ZNF33B: variants seen among roughly 807,000 people sequenced by gnomAD.
ZNF33B encodes the protein zinc finger protein 11b (KOX 2).
ZNF33B carries 29 observed loss-of-function variants against 45.8 expected under a neutral mutation model. That is an observed-to-expected ratio of 0.63 (90% CI 0.47 to 0.86). ZNF33B has a LOEUF of 0.86. Among genes scored for constraint, ZNF33B ranks in the 40% least tolerant of loss-of-function variants. The pLI is 0.00. For synonymous variants in ZNF33B, 305 were observed against 307.8 expected, an observed-to-expected ratio of 0.99 and a Z score of 0.10; for missense variants, 831 against 909.9, an observed-to-expected ratio of 0.91 and a Z score of 1.12.
At chr10:42,595,285 G>C (rs1245599462) in intron 4 of ZNF33B, among the ~76,000 whole-genome samples, 1 of 152,180 alleles carries the variant, frequency 6.6e-6, no homozygotes, top group Non-Finnish European at 1.5e-5. Context: ...CTATGAGTGA[G>C]AAAATGCTCA....
At chr10:42,624,986 A>G (rs1838738133) in intron 4 of ZNF33B, among the ~76,000 whole-genome samples, 1 of 151,864 alleles carries the variant, frequency 6.6e-6, no homozygotes. Context: ...TCCTCCTACT[A>G]TTCTTTTTCT....
chr10:42,585,480 G>A (rs772427715), downstream of ZNF33B, among the ~76,000 whole-genome samples: 31 of 152,126 alleles, frequency 2.0e-4, no homozygotes, highest in African/African-American at 6.3e-4. Flanking sequence ...TCTTGATGTC[G>A]GTTCACCACA....
chr10:42,611,024 T>C (rs1165280498), intron 4 of ZNF33B, among the ~76,000 whole-genome samples: 3 of 152,184 alleles, frequency 2.0e-5, no homozygotes. Context: ...TTTTCAACAA[T>C]GATGCCAAGA....
chr10:42,599,154 A>G (rs1837519048), intron 4 of ZNF33B, among the ~76,000 whole-genome samples: 1 of 152,146 alleles, frequency 6.6e-6, no homozygotes. Context: ...CATAATATCT[A>G]TAGAATCTTC....
At position 42,622,404 on chromosome 10, in the gene ZNF33B, CA is replaced by C. The variant is rs200334645; in HGVS notation, c.250+9524del. Among the ~76,000 whole-genome samples, 44 of 152,264 alleles carry C rather than the reference CA, an allele frequency of 2.9e-4. 1 individual carries two copies. In the East Asian group the frequency reaches 8.3e-3, roughly 29 times the overall value. ...CAATTTTTAAAAAGAAGAACAAAGT[CA>C]GAGGACTCAAAACGTCCAATTTCAC... On this transcript the variant is annotated intron_variant, in intron 4 of 4. Transcript: ENST00000359467.
At chr10:42,583,283 G>T (rs1255121340) in intron 1 of ZNF33B, 7 of 498,362 alleles carry the variant, frequency 1.4e-5, no homozygotes, top group Non-Finnish European at 2.3e-5. Flanking sequence ...ACAGACAGGT[G>T]TCCTCCTTCA....
intron 4 of ZNF33B, among the ~76,000 whole-genome samples, chr10:42,618,125 C>A (rs1447872426): frequency 6.6e-6 from 1 of 152,150 alleles, no homozygotes; most frequent in Non-Finnish European, 1.5e-5. Context: ...ATATCATTAC[C>A]AGTTTTGATA....
chr10:42,596,344 C>T (rs893106963), intron 4 of ZNF33B, among the ~76,000 whole-genome samples: 1 of 151,982 alleles, frequency 6.6e-6, no homozygotes, highest in Non-Finnish European at 1.5e-5. Flanking sequence ...AAGACCAAGT[C>T]TCAGCAAACT....
At chr10:42,613,042 C>CA (rs1186735135) in intron 4 of ZNF33B, among the ~76,000 whole-genome samples, 2 of 151,972 alleles carry the variant, frequency 1.3e-5, no homozygotes, top group Non-Finnish European at 2.9e-5. Flanking sequence ...ATTACAAATG[C>CA]AAAAAATAGT....
Position 42,593,619 on chromosome 10 carries a change from T to A in ZNF33B, c.1331A>T (p.Tyr444Phe), listed in dbSNP as rs1837251676. The change falls in exon 5 of 5, where the codon TAT becomes TTT. Residue 444 changes from tyrosine to phenylalanine, a missense_variant. Coordinates refer to ENST00000359467, the MANE Select transcript of ZNF33B (RefSeq NM_006955.3). ...THTGQKPYEC[Y>F]ECGKSFCMNS... is the part of the protein sequence containing the mutation. ...CATACAGAAGGATTTTCCACATTCA[T>A]AACATTCATAGGGTTTCTGCCCTGT... 1.2e-6 allele frequency: 2 copies of A among 1,613,934 alleles called. No homozygotes were observed.
At chr10:42,608,880 GGAAAAA>G (rs1367417705) in intron 4 of ZNF33B, among the ~76,000 whole-genome samples, 2 of 112,108 alleles carry the variant, frequency 1.8e-5, no homozygotes, top group African/African-American at 8.5e-5. Context: ...GACTGACAAT[GGAAAAA>G]AAAAAAAAGA....
At chr10:42,609,570 G>C (rs577015594) in intron 4 of ZNF33B, among the ~76,000 whole-genome samples, 100 of 152,246 alleles carry the variant, frequency 6.6e-4, no homozygotes, top group African/African-American at 2.2e-3. Flanking sequence ...ACACTTGCCA[G>C]CTCATTCTAT....
intron 4 of ZNF33B, among the ~76,000 whole-genome samples, chr10:42,596,673 A>G (rs1837414479): frequency 6.6e-6 from 1 of 152,132 alleles, no homozygotes; most frequent in Non-Finnish European, 1.5e-5. Flanking sequence ...TTTGCCAGAC[A>G]TAGCTGTAAA....
intron 2 of ZNF33B, 121 bp downstream of exon 2, chr10:42,636,799 G>T: frequency 7.1e-7 from 1 of 1,416,748 alleles, no homozygotes; most frequent in African/African-American, 1.4e-5. Context: ...CTGCGCTCCA[G>T]CCTGGGCGAC....
chr10:42,637,863 G>C (rs559747652), intron 1 of ZNF33B, among the ~76,000 whole-genome samples: 4 of 152,124 alleles, frequency 2.6e-5, no homozygotes, highest in Non-Finnish European at 4.4e-5. Flanking sequence ...ATGTTGGTCA[G>C]GCTGGTCTCG....
chr10:42,576,393 A>G (rs370463576), intron 1 of ZNF33B, among the ~76,000 whole-genome samples: 2 of 152,208 alleles, frequency 1.3e-5, no homozygotes, highest in African/African-American at 4.8e-5. Context: ...TTGAAGCTCT[A>G]TGGATCTGTG....
intron 4 of ZNF33B, among the ~76,000 whole-genome samples, chr10:42,625,929 A>G (rs1197949472): frequency 6.6e-6 from 1 of 152,240 alleles, no homozygotes; most frequent in African/African-American, 2.4e-5. Context: ...TACAATGAAT[A>G]AGAGTGGTGA....
At position 42,596,751 on chromosome 10, in the gene ZNF33B, T is replaced by C. The variant is rs1441144213; in HGVS notation, c.251-2052A>G. ...GCAATTTCCAATTGATCATTTCTTA[T>C]AGAAGATTCATTTTTACATATTTTT... On this transcript the variant is annotated intron_variant, in intron 4 of 4. Transcript: ENST00000359467. Among the ~76,000 whole-genome samples the C allele has an allele frequency of 1.3e-5, 2 of 152,128 alleles. 1 individual carries two copies.
rs185683646 is a variant in ZNF33B, at chr10:42,594,669, C to A, written c.281G>T (p.Arg94Met). ...ATGTTTAGATTGATTTTCTTGGCTC[C>A]TCTCTTTCAGGTGATCAGCTGTCCA... is the stretch of plus-strand genomic sequence containing the variant. ...EVWTADHLKE[R>M]SQENQSKHLW... The change falls in exon 5 of 5, where the codon AGG becomes ATG. Residue 94 changes from arginine (R) to methionine (M), a missense_variant. Physicochemically the swap from Arg to Met is moderately conservative, Grantham distance 91. Coordinates refer to ENST00000359467, the MANE Select transcript of ZNF33B (RefSeq NM_006955.3). The A allele has an allele frequency of 5.1e-5, 81 of 1,594,094 alleles. No individual in the cohort carries two copies. In the Admixed American group the frequency reaches 1.4e-3, roughly 28 times the overall value.
Sources: gnomAD v4.1 joint callset for allele counts (sites outside exome capture counted in the v4.1 genomes callset) on GRCh38, gnomAD v4.1.1 for gene constraint, MANE v1.5 for transcripts, NCBI Gene and HGNC (gene_info 2026-07-23, HGNC 2026-07-21) for gene names.